Variants in CYSLTR2 observed in about 807,000 individuals in gnomAD.
The protein encoded by CYSLTR2 is cysteinyl leukotriene receptor 2, also known as G-protein coupled receptor GPCR21.
For missense variants in CYSLTR2, 398 were observed against 411.9 expected, an observed-to-expected ratio of 0.97 and a Z score of 0.29; for synonymous variants, 179 against 160.8, an observed-to-expected ratio of 1.11 and a Z score of -0.86.
intron 4 of CYSLTR2, among the ~76,000 whole-genome samples, chr13:48,697,096 G>A (rs1412443202): frequency 2.0e-5 from 3 of 152,188 alleles, no homozygotes; most frequent in East Asian, 1.9e-4. Context: ...GGGCATAGCT[G>A]AACAAAAGGC....
intron 4 of CYSLTR2, among the ~76,000 whole-genome samples, chr13:48,704,381 C>T (rs964606004): frequency 7.2e-5 from 11 of 152,144 alleles, no homozygotes; most frequent in African/African-American, 2.7e-4. Flanking sequence ...AATAGCTGGG[C>T]ATGGTGGCAT....
At chr13:48,700,522 TAATAAGA>T (rs1954313253) in intron 4 of CYSLTR2, among the ~76,000 whole-genome samples, 1 of 152,166 alleles carries the variant, frequency 6.6e-6, no homozygotes, top group Admixed American at 6.5e-5. Flanking sequence ...TATCTCAAAA[TAATAAGA>T]GCTATTTATG....
chr13:48,706,411 T>C lies in CYSLTR2; in HGVS notation c.-1-406T>C, dbSNP rs144900968. The C allele has an allele frequency of 4.4e-3, 754 of 169,858 alleles. 4 individuals are homozygous for C. The highest frequency in any genetic ancestry group is 0.013 in the Middle Eastern group (4 of 318). The allele number at this position is 169,858 out of a possible 1,614,324, so 10.5% of individuals were successfully genotyped here. A position where few individuals can be genotyped will look rare whatever the true frequency, so the allele number is the denominator to read the frequency against. Reference sequence around the variant, plus strand: ...ATTTTTGCTGGACATAGAATACTAGTTTGGCAGGTCTTTTCTTTCAGCATT... The same window carrying C: ...ATTTTTGCTGGACATAGAATACTAGCTTGGCAGGTCTTTTCTTTCAGCATT... On this transcript the variant is annotated intron_variant, in intron 4 of 4. Coordinates refer to ENST00000682523, the MANE Select transcript of CYSLTR2 (RefSeq NM_001308476.3).
chr13:48,688,892 T>A (rs1953964782), intron 1 of CYSLTR2, among the ~76,000 whole-genome samples: 1 of 152,244 alleles, frequency 6.6e-6, no homozygotes, highest in Admixed American at 6.5e-5. Flanking sequence ...AAAGCATTCC[T>A]ATTTCTCCAC....
At position 48,707,823 on chromosome 13, in the gene CYSLTR2, G is replaced by A; in HGVS notation, c.1006G>A (p.Val336Ile). 1 of 1,536,982 alleles carries A rather than the reference G, an allele frequency of 6.5e-7. No individual in the cohort carries two copies. Among genetic ancestry groups the A allele is most frequent in the South Asian group, 1.3e-5 (1 of 77,426 alleles). ...QKAKTKCVFP[V>I]SVWLRKETRV ...GGCAAAGACAAAGTGTGTTTTCCCT[G>A]TTAGTGTGTGGTTGAGAAAGGAAAC... The change falls in exon 5 of 5, where the codon GTT becomes ATT. Residue 336 changes from valine (V) to isoleucine (I), a missense_variant. Physicochemically the swap from Val to Ile is conservative, Grantham distance 29 (BLOSUM62 3). Coordinates refer to ENST00000682523, the MANE Select transcript of CYSLTR2 (RefSeq NM_001308476.3).
intron 1 of CYSLTR2, among the ~76,000 whole-genome samples, chr13:48,673,991 G>A (rs1170079737): frequency 2.0e-5 from 3 of 152,170 alleles, no homozygotes; most frequent in African/African-American, 7.2e-5. Context: ...GGAGAGATCT[G>A]CGGTTAGTCT....
Position 48,707,211 on chromosome 13 carries a change from C to A in CYSLTR2, c.394C>A (p.Leu132Met). 1 of 1,614,134 alleles carries A rather than the reference C, an allele frequency of 6.2e-7. No individual in the cohort carries two copies. Residue 132 changes from leucine to methionine, a missense_variant, in exon 5 of 5, where the codon CTG becomes ATG. Physicochemically the swap from Leu to Met is conservative, Grantham distance 15. Coordinates refer to ENST00000682523, the MANE Select transcript of CYSLTR2 (RefSeq NM_001308476.3). ...CAGCAGTATTTATTTCCTGACCGTG[C>A]TGAGTGTTGTGCGTTTCCTGGCAAT... Reference protein sequence around the residue: ...MYSSIYFLTVLSVVRFLAMVH... With the variant: ...MYSSIYFLTVMSVVRFLAMVH...
intron 1 of CYSLTR2, among the ~76,000 whole-genome samples, chr13:48,689,549 G>C (rs1356778325): frequency 2.0e-5 from 3 of 152,112 alleles, no homozygotes; most frequent in Admixed American, 2.0e-4. Flanking sequence ...AGTTGTCAAA[G>C]ATCAGATGGT....
chr13:48,702,648 C>T (rs1330414462), intron 4 of CYSLTR2, among the ~76,000 whole-genome samples: 1 of 152,124 alleles, frequency 6.6e-6, no homozygotes, highest in East Asian at 1.9e-4. Flanking sequence ...TTCTGTTGAT[C>T]TATCTGTTTG....
intron 1 of CYSLTR2, among the ~76,000 whole-genome samples, chr13:48,673,554 A>C (rs984264168): frequency 6.8e-6 from 1 of 146,834 alleles, no homozygotes; most frequent in Non-Finnish European, 1.5e-5. Context: ...ACAGCACCCC[A>C]ATGGGTCTTG....
intron 3 of CYSLTR2, among the ~76,000 whole-genome samples, 168 bp from the exon 4 acceptor site, chr13:48,696,358 C>T (rs1247092173): frequency 6.6e-6 from 1 of 152,098 alleles, no homozygotes; most frequent in Admixed American, 6.6e-5. Context: ...GTATTTTCAT[C>T]CTCTTAGCAG....
intron 2 of CYSLTR2, among the ~76,000 whole-genome samples, chr13:48,692,192 AT>A (rs2138944394): frequency 6.6e-6 from 1 of 152,156 alleles, no homozygotes; most frequent in African/African-American, 2.4e-5. Context: ...TTGTAAAAAA[AT>A]TGCTATGTGT....
chr13:48,703,244 A>G (rs1211821738), intron 4 of CYSLTR2, among the ~76,000 whole-genome samples: 1 of 152,100 alleles, frequency 6.6e-6, no homozygotes, highest in Non-Finnish European at 1.5e-5. Context: ...CTATGTAACT[A>G]TGTCATCTAC....
chr13:48,690,209 T>C (rs1441782058), intron 1 of CYSLTR2, among the ~76,000 whole-genome samples: 1 of 152,188 alleles, frequency 6.6e-6, no homozygotes, highest in East Asian at 1.9e-4. Flanking sequence ...CACAGACAAT[T>C]TGACTTCCTC....
chr13:48,696,937 T>A (rs1411109945), intron 4 of CYSLTR2, among the ~76,000 whole-genome samples: 1 of 152,098 alleles, frequency 6.6e-6, no homozygotes, highest in South Asian at 2.1e-4. Flanking sequence ...GAGATTGAAC[T>A]GCAAGGTGGC....
intron 4 of CYSLTR2, 36 bp from the exon 5 acceptor site, chr13:48,706,781 A>G: frequency 6.5e-7 from 1 of 1,534,886 alleles, no homozygotes; most frequent in South Asian, 1.2e-5. Context: ...GGAAATTCAC[A>G]AAGTAACTTT....
At chr13:48,681,774 C>T (rs1953762571) in intron 1 of CYSLTR2, among the ~76,000 whole-genome samples, 1 of 152,190 alleles carries the variant, frequency 6.6e-6, no homozygotes, top group African/African-American at 2.4e-5. Flanking sequence ...CTCGAGCTGC[C>T]CTCTCCCTGC....
At chr13:48,700,476 A>G (rs1194775504) in intron 4 of CYSLTR2, among the ~76,000 whole-genome samples, 1 of 152,220 alleles carries the variant, frequency 6.6e-6, no homozygotes, top group Non-Finnish European at 1.5e-5. Context: ...ACAACCCTTC[A>G]TGCTAAAAAG....
chr13:48,683,120 A>T (rs2138903164), intron 1 of CYSLTR2, among the ~76,000 whole-genome samples: 1 of 152,304 alleles, frequency 6.6e-6, no homozygotes, highest in African/African-American at 2.4e-5. Context: ...TTCTTTATCC[A>T]GTCTACCATT....
Sources: allele counts gnomAD v4.1 joint callset (sites outside exome capture counted in the v4.1 genomes callset), GRCh38; gene constraint gnomAD v4.1.1; transcripts MANE v1.5; gene names NCBI Gene and HGNC (gene_info 2026-07-23, HGNC 2026-07-21).